DNAI7: variants seen among roughly 807,000 people sequenced by gnomAD.
DNAI7 encodes the protein cancer susceptibility 1.
In DNAI7, 78 loss-of-function variants were observed where a neutral mutation model predicts 86.6. The ratio of observed to expected loss-of-function variants is 0.90; its 90% CI spans 0.75 to 1.09. The LOEUF (loss-of-function observed/expected upper bound fraction) is 1.09, where lower values mean the gene tolerates loss of function less well. Among genes scored for constraint, DNAI7 ranks in the 50% least tolerant of loss-of-function variants. The probability of loss-of-function intolerance (pLI) is 0.00; values close to 1 mark genes in which losing one functional copy is unlikely to be tolerated. For missense variants in DNAI7, 753 were observed against 810.2 expected (o/e 0.93, Z 0.86); for synonymous variants, 274 against 273.0 (o/e 1.00, Z -0.04).
Position 25,108,506 on chromosome 12 carries a change from T to TGCTTGGTTCTTCATACTTACAATACA in DNAI7, c.*16_*41dup, listed in dbSNP as rs1347621575. On this transcript the variant is annotated 3_prime_UTR_variant, in exon 16 of 16. Coordinates refer to ENST00000395987, the MANE Select transcript of DNAI7 (RefSeq NM_018272.5). Reference sequence around the variant, plus strand: ...TTGCAGAAATACCTGTCTTTCACCATGCTTGGTTCTTCATACTTACAATAC... The same window carrying TGCTTGGTTCTTCATACTTACAATACA: ...TTGCAGAAATACCTGTCTTTCACCATGCTTGGTTCTTCATACTTACAATACAGCTTGGTTCTTCATACTTACAATAC... 9 of 1,542,716 alleles carry TGCTTGGTTCTTCATACTTACAATACA rather than the reference T, an allele frequency of 5.8e-6. No individual in the cohort carries two copies. The highest frequency in any genetic ancestry group is 7.1e-6 in the Non-Finnish European group (8 of 1,132,236).
rs1443468530 is a variant in DNAI7 at position 25,182,032 on chromosome 12, A to C, written c.21+8582T>G. On this transcript the variant is annotated intron_variant, in intron 2 of 15. Coordinates refer to ENST00000395987, the MANE Select transcript of DNAI7 (RefSeq NM_018272.5). ...CTGGGTATCTGCTGAAAAGAAAAGA[A>C]ATTTTTTTTTTTTTTTTCAAAGAGA... is the stretch of plus-strand genomic sequence containing the variant. Among the ~76,000 whole-genome samples the C allele has an allele frequency of 9.5e-5, 9 of 94,346 alleles. No individual in the cohort carries two copies. The East Asian group carries it at 3.5e-3, about 36-fold the overall frequency. 61.9% of individuals were successfully genotyped at this position (94,346 alleles called of 152,430 possible). A position where few individuals can be genotyped will look rare whatever the true frequency, so the allele number is the denominator to read the frequency against.
At chr12:25,193,246 T>C (rs1348625024) in intron 1 of DNAI7, among the ~76,000 whole-genome samples, 1 of 152,200 alleles carries the variant, frequency 6.6e-6, no homozygotes, top group Non-Finnish European at 1.5e-5. Flanking sequence ...CTGATTTTAT[T>C]AGTTAAATTA....
Position 25,108,459 on chromosome 12 carries a change from T to A in DNAI7, c.*89A>T, listed in dbSNP as rs1949405524. ...TTTTTAATAGTTGATTTGAAATGTA[T>A]TCATTCACTCATTACATTGTGTTGC... is the stretch of plus-strand genomic sequence containing the variant. On this transcript the variant is annotated 3_prime_UTR_variant, in exon 16 of 16. Coordinates refer to ENST00000395987, the MANE Select transcript of DNAI7 (RefSeq NM_018272.5). 9.3e-7 allele frequency: 1 copy of A among 1,069,548 alleles called. No individual in the cohort carries two copies. Among genetic ancestry groups the A allele is most frequent in the South Asian group, 1.9e-5 (1 of 53,042 alleles). 66.3% of individuals were successfully genotyped at this position (1,069,548 alleles called of 1,614,324 possible).
Position 25,109,275 on chromosome 12 carries a change from A to G in DNAI7, c.1894-452T>C, listed in dbSNP as rs200130737. On this transcript the variant is annotated intron_variant, in intron 15 of 15. Transcript: ENST00000395987. ...TATTCATCAGCTTTTAGAATTTGATATGGTTACTACCACCTGATAACAAGA... is the reference window on the plus strand; with the variant it reads ...TATTCATCAGCTTTTAGAATTTGATGTGGTTACTACCACCTGATAACAAGA... Among the ~76,000 whole-genome samples, 28 of 152,352 alleles carry G rather than the reference A, an allele frequency of 1.8e-4. No homozygotes were observed. The East Asian group carries it at 2.5e-3, about 14-fold the overall frequency.
intron 2 of DNAI7, among the ~76,000 whole-genome samples, chr12:25,188,463 A>G (rs987565123): frequency 1.3e-5 from 2 of 152,196 alleles, no homozygotes; most frequent in African/African-American, 4.8e-5. Flanking sequence ...ACTTTAAAAA[A>G]CCAGAAAGTA....
intron 9 of DNAI7, among the ~76,000 whole-genome samples, chr12:25,124,220 C>T (rs999627841): frequency 6.6e-6 from 1 of 152,012 alleles, no homozygotes; most frequent in South Asian, 2.1e-4. Context: ...CAGACAAGTC[C>T]CCCTTAGTAG....
chr12:25,143,476 C>T (rs1051556441), intron 9 of DNAI7, among the ~76,000 whole-genome samples: 3 of 151,534 alleles, frequency 2.0e-5, no homozygotes, highest in Non-Finnish European at 4.4e-5. Context: ...TCTCGAACTC[C>T]TGACCTCAAA....
intron 13 of DNAI7, 44 bp from the exon 14 acceptor site, chr12:25,111,983 A>G (rs1040913250): frequency 7.6e-7 from 1 of 1,323,086 alleles, no homozygotes; most frequent in African/African-American, 1.5e-5. Context: ...AAGTTAAATC[A>G]TTACTTCAGT....
intron 12 of DNAI7, among the ~76,000 whole-genome samples, chr12:25,115,987 G>A (rs912826091): frequency 6.6e-6 from 1 of 151,884 alleles, no homozygotes; most frequent in Non-Finnish European, 1.5e-5. Context: ...ACCCTACTAT[G>A]TTGTATCACA....
intron 9 of DNAI7, among the ~76,000 whole-genome samples, chr12:25,133,431 A>G (rs1057201348): frequency 2.0e-5 from 3 of 152,206 alleles, no homozygotes; most frequent in Non-Finnish European, 4.4e-5. Flanking sequence ...ACTCACACCT[A>G]CGAAAGGCGG....
intron 11 of DNAI7, among the ~76,000 whole-genome samples, chr12:25,120,496 G>A (rs1310916401): frequency 1.3e-5 from 2 of 151,992 alleles, no homozygotes; most frequent in African/African-American, 4.8e-5. Flanking sequence ...GCCGAGGCGG[G>A]CGGATCACGA....
intron 2 of DNAI7, among the ~76,000 whole-genome samples, chr12:25,172,298 C>T (rs1188048986): frequency 6.6e-6 from 1 of 152,112 alleles, no homozygotes; most frequent in African/African-American, 2.4e-5. Flanking sequence ...TTCTTCTATA[C>T]ACCAAAAGCA....
At chr12:25,174,467 C>CATATATATGGGATATATATATG (rs1948620383) in intron 2 of DNAI7, among the ~76,000 whole-genome samples, 3 of 76,048 alleles carry the variant, frequency 3.9e-5, no homozygotes, top group African/African-American at 8.7e-5. Flanking sequence ...TCATATATAT[C>CATATATATGGGATATATATATG]ATATATATGG....
intron 9 of DNAI7, among the ~76,000 whole-genome samples, chr12:25,138,455 C>T (rs190767290): frequency 2.2e-3 from 339 of 152,148 alleles, no homozygotes; most frequent in African/African-American, 7.8e-3. Flanking sequence ...GAGTAAGACT[C>T]GGTCTCAAAT....
chr12:25,146,671 AGAAGAG>A (rs1944880978), intron 8 of DNAI7, among the ~76,000 whole-genome samples: 1 of 152,054 alleles, frequency 6.6e-6, no homozygotes, highest in Non-Finnish European at 1.5e-5. Context: ...GTGGGTAAAG[AGAAGAG>A]GAAGACCTGG....
At chr12:25,150,995 T>C (rs1945475023) in intron 6 of DNAI7, among the ~76,000 whole-genome samples, 1 of 152,238 alleles carries the variant, frequency 6.6e-6, no homozygotes, top group African/African-American at 2.4e-5. Context: ...ACTGTGCATA[T>C]TTTACAGATA....
intron 5 of DNAI7, 103 bp from the exon 6 acceptor site, chr12:25,154,559 CT>C: frequency 8.5e-7 from 1 of 1,170,098 alleles, no homozygotes; most frequent in Non-Finnish European, 1.2e-6. Context: ...GTTTAACCAA[CT>C]TAGATAAAAA....
chr12:25,110,010 T>C lies in DNAI7; in HGVS notation c.1893+117A>G, dbSNP rs1294276722. The C allele has an allele frequency of 4.8e-6, 3 of 619,982 alleles. No individual in the cohort carries two copies. In the Admixed American group the frequency reaches 9.0e-5, roughly 19 times the overall value. 38.4% of individuals were successfully genotyped at this position (619,982 alleles called of 1,614,324 possible). ...TGAAATTTTAAAATTCCGTATTGAATGTTAATTTTTTTAACTTTTCTAAGA... is the reference window on the plus strand; with the variant it reads ...TGAAATTTTAAAATTCCGTATTGAACGTTAATTTTTTTAACTTTTCTAAGA... On this transcript the variant is annotated intron_variant, in intron 15 of 15. Coordinates refer to ENST00000395987, the MANE Select transcript of DNAI7 (RefSeq NM_018272.5).
intron 9 of DNAI7, 102 bp from the exon 10 acceptor site, chr12:25,123,388 T>C (rs1373924770): frequency 4.6e-6 from 3 of 654,978 alleles, no homozygotes; most frequent in Non-Finnish European, 7.2e-6. Flanking sequence ...GCTACCTTAA[T>C]TCTAGGCTGA....
Sources: allele counts gnomAD v4.1 joint callset (sites outside exome capture counted in the v4.1 genomes callset), GRCh38; gene constraint gnomAD v4.1.1; transcripts MANE v1.5; gene names NCBI Gene and HGNC (gene_info 2026-07-23, HGNC 2026-07-21).